Variants in DYM observed in about 807,000 individuals in gnomAD.
DYM encodes dymeclin.
DYM carries 78 observed loss-of-function variants against 93.1 expected under a neutral mutation model. The observed-to-expected ratio is 0.84, with a 90% CI of 0.70 to 1.01. DYM has a LOEUF of 1.01. Among genes scored for constraint, DYM ranks in the 50% least tolerant of loss-of-function variants. DYM has a pLI of 0.00. For synonymous variants in DYM, 321 were observed against 319.7 expected (o/e 1.00, Z -0.04); for missense variants, 789 against 845.0 (o/e 0.93, Z 0.82).
chr18:49,309,886 C>G lies in DYM; in HGVS notation c.763+21978G>C, dbSNP rs1410199704. The stretch of plus-strand genomic sequence containing the variant: ...AATGTAACTTGAACCCATGGGTGCA[C>G]AGAAGGGTCGAAATCAACCCTATCC... On this transcript the variant is annotated intron_variant, in intron 8 of 17. Transcript: ENST00000675505. 2.0e-5 allele frequency among the ~76,000 whole-genome samples: 3 copies of G among 152,152 alleles called. No homozygotes were observed. In the East Asian group the frequency reaches 5.8e-4, roughly 29 times the overall value.
At chr18:49,383,385 T>C (rs112730982) in intron 3 of DYM, among the ~76,000 whole-genome samples, 26 of 152,256 alleles carry the variant, frequency 1.7e-4, no homozygotes, top group African/African-American at 5.3e-4. Flanking sequence ...ATACAGATGT[T>C]CAATCTGGGA....
Position 49,043,306 on chromosome 18 carries a change from T to G in DYM, c.*749A>C, listed in dbSNP as rs2071071440. 6.6e-6 allele frequency: 1 copy of G among 152,196 alleles called. No homozygotes were observed. Among genetic ancestry groups the G allele is most frequent in the African/African-American group, 2.4e-5 (1 of 41,430 alleles). The allele number at this position is 152,196 out of a possible 1,614,324, so 9.4% of individuals were successfully genotyped here. A position where few individuals can be genotyped will look rare whatever the true frequency, so the allele number is the denominator to read the frequency against. Reference sequence around the variant, plus strand: ...CATCATGCCTGGCTAATTTTTAAGTTTTTTGTAGAGATGGGATCTCACTAT... The same window carrying G: ...CATCATGCCTGGCTAATTTTTAAGTGTTTTGTAGAGATGGGATCTCACTAT... On this transcript the variant is annotated 3_prime_UTR_variant, in exon 18 of 18. Transcript: ENST00000675505.
At chr18:49,109,224 T>G (rs35812305) in intron 16 of DYM, among the ~76,000 whole-genome samples, 22,999 of 152,068 alleles carry the variant, frequency 0.15, 2,492 homozygotes, top group African/African-American at 0.31. Context: ...TATTGGCATG[T>G]AGGATTTAAA....
intron 2 of DYM, among the ~76,000 whole-genome samples, chr18:49,413,835 C>G (rs960936391): frequency 6.6e-6 from 1 of 152,032 alleles, no homozygotes; most frequent in African/African-American, 2.4e-5. Flanking sequence ...CATGGTGAAA[C>G]CCCGTCTCCA....
intron 8 of DYM, among the ~76,000 whole-genome samples, chr18:49,288,215 C>T: frequency 6.6e-6 from 1 of 152,066 alleles, no homozygotes; most frequent in East Asian, 1.9e-4. Flanking sequence ...CACACTATAA[C>T]TAATAGAAGA....
At chr18:49,052,235 T>C (rs2144393457) in intron 17 of DYM, among the ~76,000 whole-genome samples, 2 of 152,330 alleles carry the variant, frequency 1.3e-5, no homozygotes, top group African/African-American at 4.8e-5. Context: ...ATTTTGAGAA[T>C]GTTATTCAGT....
chr18:49,317,747 T>C (rs1377465137), intron 8 of DYM, among the ~76,000 whole-genome samples: 3 of 150,642 alleles, frequency 2.0e-5, no homozygotes, highest in African/African-American at 7.3e-5. Flanking sequence ...GCTGGGACTG[T>C]AGGTGCCTGC....
At chr18:49,123,202 A>T (rs529861590) in intron 15 of DYM, among the ~76,000 whole-genome samples, 4 of 152,046 alleles carry the variant, frequency 2.6e-5, no homozygotes, top group Admixed American at 1.3e-4. Context: ...TCTATTGTTA[A>T]TTTCCGCATG....
At chr18:49,404,548 G>C (rs550484989) in intron 2 of DYM, among the ~76,000 whole-genome samples, 5 of 152,270 alleles carry the variant, frequency 3.3e-5, no homozygotes, top group African/African-American at 1.2e-4. Flanking sequence ...CGATGTATAA[G>C]CACTCCCTTT....
intron 3 of DYM, among the ~76,000 whole-genome samples, chr18:49,384,960 G>A (rs1004873507): frequency 4.6e-5 from 7 of 150,540 alleles, no homozygotes; most frequent in African/African-American, 7.3e-5. Flanking sequence ...AAAGATCTTC[G>A]TACACCAATC....
intron 1 of DYM, among the ~76,000 whole-genome samples, chr18:49,454,817 A>G (rs1244919895): frequency 6.7e-6 from 1 of 149,262 alleles, no homozygotes; most frequent in African/African-American, 2.5e-5. Context: ...CTGAGGCAGG[A>G]GAATGGCGTA....
In DYM at chr18:49,103,640, G is replaced by A. The variant is rs181453840; in HGVS notation, c.1912-6125C>T. ...TCAGCTTTCTACATATGGCTAGCCA[G>A]TTTCCCAGCACCATTTATTAAATAG... On this transcript the variant is annotated intron_variant, in intron 16 of 17. Coordinates refer to ENST00000675505, the MANE Select transcript of DYM (RefSeq NM_001353214.3). Among the ~76,000 whole-genome samples the A allele has an allele frequency of 9.7e-3, 1,476 of 152,238 alleles. 8 individuals carry two copies. Among genetic ancestry groups the A allele is most frequent in the Middle Eastern group, 0.027 (8 of 294 alleles).
At chr18:49,289,750 T>G (rs1438942129) in intron 8 of DYM, among the ~76,000 whole-genome samples, 3 of 41,560 alleles carry the variant, frequency 7.2e-5, no homozygotes, top group Non-Finnish European at 1.4e-4. Flanking sequence ...TATATATATA[T>G]ATATATATAT....
chr18:49,356,054 A>G (rs2065536675), intron 6 of DYM, among the ~76,000 whole-genome samples: 1 of 152,198 alleles, frequency 6.6e-6, no homozygotes, highest in African/African-American at 2.4e-5. Flanking sequence ...TTCAGCATCA[A>G]TGACTACCAG....
intron 14 of DYM, among the ~76,000 whole-genome samples, chr18:49,182,876 C>T (rs775002071): frequency 2.6e-5 from 4 of 152,124 alleles, no homozygotes; most frequent in Non-Finnish European, 4.4e-5. Context: ...GTTCTATATA[C>T]TGTGTCTGTT....
intron 14 of DYM, among the ~76,000 whole-genome samples, chr18:49,167,969 T>C (rs1001816688): frequency 1.3e-5 from 2 of 152,106 alleles, no homozygotes; most frequent in African/African-American, 4.8e-5. Flanking sequence ...AATTATCTAA[T>C]GCTACATGTA....
chr18:49,434,696 T>C (rs566737943), intron 1 of DYM, among the ~76,000 whole-genome samples: 7 of 151,918 alleles, frequency 4.6e-5, no homozygotes, highest in Non-Finnish European at 1.0e-4. Context: ...CCAGGCACAG[T>C]GGATCACGCC....
At chr18:49,047,836 G>T (rs887344303) in intron 17 of DYM, among the ~76,000 whole-genome samples, 1 of 152,046 alleles carries the variant, frequency 6.6e-6, no homozygotes, top group South Asian at 2.1e-4. Flanking sequence ...TGTAGCAAGA[G>T]GGGGGCAACA....
intron 14 of DYM, among the ~76,000 whole-genome samples, chr18:49,190,724 C>A (rs2090885579): frequency 6.6e-6 from 1 of 152,076 alleles, no homozygotes; most frequent in African/African-American, 2.4e-5. Context: ...CTGTGCAGAT[C>A]CACTTATACA....
Sources: allele counts gnomAD v4.1 joint callset (sites outside exome capture counted in the v4.1 genomes callset), GRCh38; gene constraint gnomAD v4.1.1; transcripts MANE v1.5; gene names NCBI Gene and HGNC (gene_info 2026-07-23, HGNC 2026-07-21).